The following WNK2 variants were observed in gnomAD, a reference collection of about 807,000 sequenced individuals.
WNK2 encodes serine/threonine-protein kinase WNK2.
Under a neutral mutation model 192.1 loss-of-function variants are expected in WNK2, and 67 were observed. The observed-to-expected ratio is 0.35, with a 90% confidence interval of 0.29 to 0.43. The LOEUF is 0.43. Ranked by LOEUF, WNK2 falls within the 20% of genes least tolerant of loss-of-function variation. The pLI, the probability that WNK2 is intolerant of heterozygous loss-of-function variation, is 1.00. For synonymous variants in WNK2, 1,439 were observed against 1,393.9 expected, an observed-to-expected ratio of 1.03 and a Z score of -0.72; for missense variants, 2,698 against 3,089.7, an observed-to-expected ratio of 0.87 and a Z score of 3.01.
In WNK2 at chr9:93,257,915, TC is replaced by T. The variant is rs1325956015; in HGVS notation, c.2382+779del. The stretch of plus-strand genomic sequence containing the variant: ...AAATGGCATGGAGGATTCTAGGTAC[TC>T]CCGAGGGCTTCGGTGACCCGGACAG... On this transcript the variant is annotated intron_variant, in intron 11 of 29. Transcript: ENST00000427277. The surrounding 1 kb of genome is among the most constrained non-coding windows in gnomAD (Gnocchi z 4.7). Among the ~76,000 whole-genome samples, 1 of 152,244 alleles carries T rather than the reference TC, an allele frequency of 6.6e-6. No individual in the cohort carries two copies. The highest frequency in any genetic ancestry group is 1.5e-5 in the Non-Finnish European group (1 of 68,040).
intron 2 of WNK2, among the ~76,000 whole-genome samples, chr9:93,228,830 G>A (rs1838243226): frequency 1.3e-5 from 2 of 152,178 alleles, no homozygotes; most frequent in African/African-American, 4.8e-5. Context: ...GGACTATAGT[G>A]AGGGATGAGG....
chr9:93,283,405 T>C (rs60604890), intron 19 of WNK2, among the ~76,000 whole-genome samples: 18,107 of 152,138 alleles, frequency 0.12, 1,176 homozygotes, highest in Middle Eastern at 0.15. Flanking sequence ...CCCCCTGTGA[T>C]GAGACTGACT....
At chr9:93,270,761 T>C (rs1197698986) in intron 19 of WNK2, among the ~76,000 whole-genome samples, 1 of 152,162 alleles carries the variant, frequency 6.6e-6, no homozygotes, top group Non-Finnish European at 1.5e-5. Context: ...CCGACAGTTC[T>C]GGAGGTAACA....
chr9:93,238,044 C>T (rs1840118633), intron 5 of WNK2, among the ~76,000 whole-genome samples, 189 bp from the exon 6 acceptor site: 1 of 152,188 alleles, frequency 6.6e-6, no homozygotes, highest in African/African-American at 2.4e-5. Context: ...CCCTTTCTCC[C>T]AGAGCCCGCA....
intron 9 of WNK2, among the ~76,000 whole-genome samples, chr9:93,256,098 T>C (rs1843244925): frequency 6.6e-6 from 1 of 152,138 alleles, no homozygotes; most frequent in African/African-American, 2.4e-5. Flanking sequence ...ACCCCTGGGC[T>C]GGGGGCTGTG....
chr9:93,280,759 C>T (rs2133573863), intron 19 of WNK2, among the ~76,000 whole-genome samples: 1 of 152,278 alleles, frequency 6.6e-6, no homozygotes, highest in Admixed American at 6.5e-5. Flanking sequence ...TGTCTACTGG[C>T]ATATGTTGTC....
intron 23 of WNK2, among the ~76,000 whole-genome samples, chr9:93,297,484 C>T (rs958564979): frequency 3.3e-5 from 5 of 152,240 alleles, no homozygotes; most frequent in Non-Finnish European, 7.3e-5. Context: ...TAAATGGAGG[C>T]AGTCTCTAGT....
In WNK2 at chr9:93,238,339, G is replaced by A. The variant is rs373990656; in HGVS notation, c.1322+18G>A. The A allele has an allele frequency of 5.8e-4, 931 of 1,606,234 alleles. 2 individuals are homozygous for A. The highest frequency in any genetic ancestry group is 6.7e-4 in the Admixed American group (40 of 59,990). On this transcript the variant is annotated intron_variant, in intron 6 of 29. Coordinates refer to ENST00000427277, the MANE Select transcript of WNK2 (RefSeq NM_006648.4). The stretch of plus-strand genomic sequence containing the variant: ...GAGGAAAGGTGAGTTCCCCTGAAGG[G>A]CTGGGTTCTGGGGTCCATCTCCAGC...
intron 26 of WNK2, 79 bp downstream of exon 26, chr9:93,300,228 CTTTCATACA>C (rs1410213121): frequency 1.3e-5 from 15 of 1,153,530 alleles, no homozygotes; most frequent in Non-Finnish European, 1.9e-5. Context: ...TCTTCATTAC[CTTTCATACA>C]TTTCATAGGA....
At chr9:93,200,351 C>T (rs917774599) in intron 2 of WNK2, among the ~76,000 whole-genome samples, 1 of 152,182 alleles carries the variant, frequency 6.6e-6, no homozygotes, top group East Asian at 1.9e-4. Flanking sequence ...GTGATCTTTA[C>T]AGGAGGGAGA....
In WNK2 at chr9:93,252,897, G is replaced by A. The variant is rs1842778612; in HGVS notation, c.1849G>A (p.Asp617Asn). ...ATSLASDSTF[D>N]SGQGSTVYSD... ...GTCCTCCCCAGCGGACAGCACCTTC[G>A]ACAGCGGCCAGGGCTCTACCGTGTA... is the stretch of plus-strand genomic sequence containing the variant. The change falls in exon 9 of 30, where the codon GAC becomes AAC. Residue 617 changes from aspartate (D) to asparagine (N), a missense_variant. Coordinates refer to ENST00000427277, the MANE Select transcript of WNK2 (RefSeq NM_006648.4). The A allele has an allele frequency of 2.0e-6, 3 of 1,500,984 alleles. No homozygotes were observed. The highest frequency in any genetic ancestry group is 2.3e-5 in the Admixed American group (1 of 44,342). 93.0% of individuals were successfully genotyped at this position (1,500,984 alleles called of 1,614,324 possible). A position where few individuals can be genotyped will look rare whatever the true frequency, so the allele number is the denominator to read the frequency against.
chr9:93,200,988 A>G (rs939364603), intron 2 of WNK2, among the ~76,000 whole-genome samples: 2 of 152,210 alleles, frequency 1.3e-5, no homozygotes, highest in African/African-American at 4.8e-5. Flanking sequence ...AAGGTAAAGG[A>G]AAATAAAATG....
intron 15 of WNK2, 42 bp downstream of exon 15, chr9:93,263,776 GCATGGTGGGGGTGTGGTGGGGGTGGGGC>G (rs761371306): frequency 0.095 from 53,816 of 565,602 alleles, 3,840 homozygotes; most frequent in Middle Eastern, 0.15. Context: ...GGGGGTGGGG[GCATGGTGGGGGTGTGGTGGGGGTGGGGC>G]CGTGGCGGGG....
intron 19 of WNK2, among the ~76,000 whole-genome samples, chr9:93,284,082 A>G (rs1317546897): frequency 6.6e-6 from 1 of 152,228 alleles, no homozygotes; most frequent in East Asian, 1.9e-4. Context: ...GGTGTGTATA[A>G]GGGGGAAAAA....
Position 93,293,168 on chromosome 9 carries a change from G to A in WNK2, c.5703G>A (p.Arg1901=). 6.6e-7 allele frequency: 1 copy of A among 1,505,272 alleles called. No homozygotes were observed. The highest frequency in any genetic ancestry group is 2.4e-5 in the East Asian group (1 of 42,158). The allele number at this position is 1,505,272 out of a possible 1,614,324, so 93.2% of individuals were successfully genotyped here. The change falls in exon 23 of 30, where the codon CGG becomes CGA. Residue 1901 remains arginine (R), a synonymous_variant. Coordinates refer to ENST00000427277, the MANE Select transcript of WNK2 (RefSeq NM_006648.4). ...TAAAGAAGGAGCTGCAGAGTCTGCG[G>A]GAGAAGTAGGTCCTGCGGGCAGGAA... ...ADIKKELQSL[R]EKHLKEISEL...
chr9:93,244,882 G>A (rs1236018556), intron 7 of WNK2, among the ~76,000 whole-genome samples: 2 of 152,214 alleles, frequency 1.3e-5, no homozygotes, highest in African/African-American at 4.8e-5. Context: ...GGAACCTGGT[G>A]CCTGGTTTCT....
chr9:93,240,731 GA>G (rs1164408969), intron 7 of WNK2, among the ~76,000 whole-genome samples: 5 of 152,210 alleles, frequency 3.3e-5, no homozygotes, highest in Admixed American at 1.3e-4. Flanking sequence ...GGGATGTGGG[GA>G]CAGGTGCAGC....
At position 93,250,359 on chromosome 9, in the gene WNK2, A is replaced by G. The variant is rs530126239; in HGVS notation, c.1835-2524A>G. 5.7e-4 allele frequency among the ~76,000 whole-genome samples: 87 copies of G among 152,368 alleles called. 1 individual carries two copies. The South Asian group carries it at 0.018, about 31-fold the overall frequency. On this transcript the variant is annotated intron_variant, in intron 8 of 29. Transcript: ENST00000427277. ...TGTGAACACATTCACCTGCACACAT[A>G]CATGCACACATGTCTGCATTCATAC...
intron 23 of WNK2, 65 bp from the exon 24 acceptor site, chr9:93,297,788 A>T (rs1487072756): frequency 2.7e-6 from 4 of 1,480,912 alleles, no homozygotes; most frequent in Non-Finnish European, 3.6e-6. Context: ...TCCCTCCTGG[A>T]GGAGCTGGCG....
Sources: allele counts gnomAD v4.1 joint callset (sites outside exome capture counted in the v4.1 genomes callset), GRCh38; gene constraint gnomAD v4.1.1; non-coding constraint Gnocchi (gnomAD v3.1); transcripts MANE v1.5; gene names NCBI Gene and HGNC (gene_info 2026-07-23, HGNC 2026-07-21).